RASA2: variants seen among roughly 807,000 people sequenced by gnomAD.
The protein encoded by RASA2 is RAS p21 protein activator 2.
In RASA2, 155 loss-of-function variants were observed where a neutral mutation model predicts 118.2. That is an observed-to-expected ratio of 1.31 (90% CI 1.15 to 1.50). RASA2 has a LOEUF of 1.50. Ranked by LOEUF, RASA2 falls within the 40% of genes most tolerant of loss-of-function variation. The pLI, the probability that RASA2 is intolerant of heterozygous loss-of-function variation, is 0.00. For synonymous variants in RASA2, 353 were observed against 349.1 expected, an observed-to-expected ratio of 1.01 and a Z score of -0.12; for missense variants, 1,016 against 1,009.6, an observed-to-expected ratio of 1.01 and a Z score of -0.09.
At chr3:141,589,618 G>A (rs916524855) in intron 19 of RASA2, among the ~76,000 whole-genome samples, 13 of 152,186 alleles carry the variant, frequency 8.5e-5, no homozygotes, top group Middle Eastern at 3.4e-3. Flanking sequence ...TGAGGCAGGC[G>A]GATCATGAGG....
intron 1 of RASA2, among the ~76,000 whole-genome samples, chr3:141,506,700 C>T (rs948143115): frequency 4.2e-5 from 6 of 143,660 alleles, no homozygotes; most frequent in Admixed American, 2.7e-4. Flanking sequence ...ATCTCTTGAA[C>T]CCAGGAGTTC....
intron 9 of RASA2, among the ~76,000 whole-genome samples, chr3:141,562,071 G>A (rs1207363780): frequency 6.6e-6 from 1 of 151,800 alleles, no homozygotes; most frequent in Non-Finnish European, 1.5e-5. Flanking sequence ...TCCTGCCTCA[G>A]CCTCCCAAGT....
intron 5 of RASA2, among the ~76,000 whole-genome samples, chr3:141,542,227 T>G (rs369737165): frequency 6.6e-6 from 1 of 152,302 alleles, no homozygotes; most frequent in East Asian, 1.9e-4. Flanking sequence ...TGATCTGATT[T>G]CTGTCCCTAC....
At position 141,577,059 on chromosome 3, in the gene RASA2, G is replaced by T; in HGVS notation, c.1543G>T (p.Val515Leu). Residue 515 changes from valine (V) to leucine (L), a missense_variant, in exon 15 of 24, where the codon GTA becomes TTA. Val to Leu is a conservative substitution (Grantham distance 32, BLOSUM62 1). Around this residue, in one of 2 missense-constraint regions of RASA2, gnomAD observed 896 missense variants for 836.4 expected, o/e 1.07. Coordinates refer to ENST00000286364, the MANE Select transcript of RASA2 (RefSeq NM_006506.5). ...CTTTGTATTTCTTCGTTTCTTTGCTGTAGCCGTAGTATCACCTCATACTTT... is the reference window on the plus strand; with the variant it reads ...CTTTGTATTTCTTCGTTTCTTTGCTTTAGCCGTAGTATCACCTCATACTTT... Reference protein sequence around the residue: ...SSFVFLRFFAVAVVSPHTFHL... With the variant: ...SSFVFLRFFALAVVSPHTFHL... The T allele has an allele frequency of 6.2e-7, 1 of 1,611,386 alleles. No individual in the cohort carries two copies. The highest frequency in any genetic ancestry group is 2.2e-5 in the East Asian group (1 of 44,640).
chr3:141,572,493 A>G (rs1208154234), intron 11 of RASA2, 116 bp from the exon 12 acceptor site: 1 of 690,112 alleles, frequency 1.4e-6, no homozygotes, highest in Non-Finnish European at 2.5e-6. Flanking sequence ...TATGCCTTCT[A>G]GTATGTCTTA....
intron 4 of RASA2, among the ~76,000 whole-genome samples, chr3:141,535,954 C>T (rs2082320085): frequency 6.6e-6 from 1 of 152,138 alleles, no homozygotes. Flanking sequence ...AAACTGTATG[C>T]AGAAATTTAC....
At chr3:141,545,104 T>A (rs1164358174) in intron 5 of RASA2, among the ~76,000 whole-genome samples, 1 of 152,170 alleles carries the variant, frequency 6.6e-6, no homozygotes, top group African/African-American at 2.4e-5. Flanking sequence ...CAAGTTTGCC[T>A]ATATAACAGA....
At chr3:141,603,022 A>G (rs1269889817) in intron 19 of RASA2, among the ~76,000 whole-genome samples, 2 of 152,104 alleles carry the variant, frequency 1.3e-5, no homozygotes, top group Non-Finnish European at 1.5e-5. Flanking sequence ...TAACTTGGGG[A>G]TAATGGAAAC....
Position 141,540,600 on chromosome 3 carries a change from T to C in RASA2, c.518T>C (p.Leu173Pro). 1 of 1,611,094 alleles carries C rather than the reference T, an allele frequency of 6.2e-7. No individual in the cohort carries two copies. The highest frequency in any genetic ancestry group is 8.5e-7 in the Non-Finnish European group (1 of 1,177,792). ...GAGAATGGAACTGTATGCCAGCAGC[T>C]TGTTGTACAGTAAGCATTTTTTTTA... ...ITENGTVCQQ[L>P]VVHIKACHGL... The change falls in exon 5 of 24, where the codon CTT (leucine) becomes CCT (proline). Residue 173 changes from leucine (L) to proline (P), a missense_variant. Coordinates refer to ENST00000286364, the MANE Select transcript of RASA2 (RefSeq NM_006506.5).
intron 5 of RASA2, among the ~76,000 whole-genome samples, chr3:141,550,486 A>C (rs997693949): frequency 2.0e-4 from 31 of 152,244 alleles, no homozygotes; most frequent in Admixed American, 1.6e-3. Context: ...CTAGATCAAA[A>C]AAGGACATTG....
intron 23 of RASA2, 64 bp from the exon 24 acceptor site, chr3:141,612,219 A>G (rs2083663345): frequency 4.1e-6 from 5 of 1,230,936 alleles, no homozygotes; most frequent in East Asian, 2.4e-5. Flanking sequence ...TGGATTATAT[A>G]TTTGTCACCC....
chr3:141,517,985 C>T (rs2082053787), intron 3 of RASA2, among the ~76,000 whole-genome samples: 1 of 152,052 alleles, frequency 6.6e-6, no homozygotes, highest in Non-Finnish European at 1.5e-5. Context: ...AATTGTCAGA[C>T]TAGAGTGTGA....
intron 4 of RASA2, among the ~76,000 whole-genome samples, chr3:141,534,922 A>T (rs2082307038): frequency 6.6e-6 from 1 of 152,162 alleles, no homozygotes; most frequent in African/African-American, 2.4e-5. Flanking sequence ...TTGTGTCCAA[A>T]ATCATTTATA....
At chr3:141,560,048 T>C (rs1370902622) in intron 9 of RASA2, 53 bp downstream of exon 9, 1 of 1,372,712 alleles carries the variant, frequency 7.3e-7, no homozygotes, top group Admixed American at 2.0e-5. Context: ...TTTAGTACAG[T>C]ATATATATGC....
chr3:141,535,673 C>T lies in RASA2; in HGVS notation c.451-4860C>T, dbSNP rs181200221. 4.2e-3 allele frequency among the ~76,000 whole-genome samples: 634 copies of T among 152,186 alleles called. 7 individuals are homozygous for T. The highest frequency in any genetic ancestry group is 0.014 in the African/African-American group (599 of 41,528). The stretch of plus-strand genomic sequence containing the variant: ...GCTTACAATCATGGTGGAAGGTAAA[C>T]GGGGAGCAGGCATATTACATGATGA... On this transcript the variant is annotated intron_variant, in intron 4 of 23. Coordinates refer to ENST00000286364, the MANE Select transcript of RASA2 (RefSeq NM_006506.5).
At chr3:141,544,462 T>A (rs996521203) in intron 5 of RASA2, among the ~76,000 whole-genome samples, 1 of 152,204 alleles carries the variant, frequency 6.6e-6, no homozygotes, top group Non-Finnish European at 1.5e-5. Context: ...CAGTCTATTT[T>A]CCCTCTGTTG....
At chr3:141,521,893 G>GT (rs1238593343) in intron 3 of RASA2, among the ~76,000 whole-genome samples, 2 of 146,938 alleles carry the variant, frequency 1.4e-5, no homozygotes, top group African/African-American at 5.2e-5. Context: ...TTAACACACA[G>GT]GTTTTTTTTT....
Position 141,577,044 on chromosome 3 carries a change from CTTCGTTTCTT to C in RASA2, c.1530_1539del (p.Arg511LeufsTer2). 1 of 1,611,614 alleles carries C rather than the reference CTTCGTTTCTT, an allele frequency of 6.2e-7. No homozygotes were observed. On this transcript the variant is annotated frameshift_variant, in exon 15 of 24. Transcript: ENST00000286364. LOFTEE classifies it high-confidence loss of function. ...TTCTGCAGTGAGCAGCTTTGTATTT[CTTCGTTTCTT>C]TGCTGTAGCCGTAGTATCACCTCAT...
intron 17 of RASA2, 127 bp downstream of exon 17, chr3:141,581,304 G>A: frequency 2.5e-6 from 2 of 802,806 alleles, no homozygotes; most frequent in East Asian, 3.7e-5. Flanking sequence ...CATCAAAAAG[G>A]CTTCCTTTTT....
Sources: gnomAD v4.1 joint callset for allele counts (sites outside exome capture counted in the v4.1 genomes callset) on GRCh38, gnomAD v4.1.1 for gene constraint, gnomAD v4.1.1 regional missense constraint, MANE v1.5 for transcripts, NCBI Gene and HGNC (gene_info 2026-07-23, HGNC 2026-07-21) for gene names.